CAST: variants seen among roughly 807,000 people sequenced by gnomAD.
CAST encodes the protein MIR583 host.
In CAST, 76 loss-of-function variants were observed where a neutral mutation model predicts 119.6. The observed-to-expected ratio is 0.64, with a 90% CI of 0.53 to 0.77. The LOEUF (loss-of-function observed/expected upper bound fraction) is 0.77. Ranked by LOEUF, CAST falls within the 30% of genes least tolerant of loss-of-function variation. The pLI is 0.00. For synonymous variants in CAST, 319 were observed against 331.6 expected, an observed-to-expected ratio of 0.96 and a Z score of 0.41; for missense variants, 953 against 946.5, an observed-to-expected ratio of 1.01 and a Z score of -0.09.
At chr5:96,180,281 T>G in the CAST span, among the ~76,000 whole-genome samples, 1 of 152,248 alleles carries the variant, frequency 6.6e-6, no homozygotes, top group South Asian at 2.1e-4. Context: ...ATTTTAATTT[T>G]GTTATTTATG....
At chr5:96,345,660 G>C in the CAST span, among the ~76,000 whole-genome samples, 1 of 152,182 alleles carries the variant, frequency 6.6e-6, no homozygotes. Flanking sequence ...AGCCAGAGCT[G>C]CTCTCCCATC....
chr5:96,078,701 TA>T, the CAST span, among the ~76,000 whole-genome samples: 2 of 152,326 alleles, frequency 1.3e-5, no homozygotes, highest in East Asian at 3.9e-4. Flanking sequence ...AATGTCAAGT[TA>T]AATCAATCAC....
the CAST span, among the ~76,000 whole-genome samples, chr5:96,109,347 G>T: frequency 6.6e-6 from 1 of 152,104 alleles, no homozygotes; most frequent in Non-Finnish European, 1.5e-5. Context: ...TTATAATAAA[G>T]AATAAATGTA....
intron 1 of CAST, chr5:96,630,966 G>C (rs1381068120): frequency 2.1e-5 from 3 of 140,428 alleles, no homozygotes; most frequent in Non-Finnish European, 4.8e-5. Context: ...ATCTCTTACA[G>C]AGTCTCCACC....
At chr5:96,456,702 C>G in the CAST span, among the ~76,000 whole-genome samples, 1 of 152,208 alleles carries the variant, frequency 6.6e-6, no homozygotes, top group Non-Finnish European at 1.5e-5. Context: ...GCTTCTGTCT[C>G]ATGAGGGATC....
chr5:96,166,246 G>A, the CAST span, among the ~76,000 whole-genome samples: 4 of 152,094 alleles, frequency 2.6e-5, no homozygotes, highest in African/African-American at 7.2e-5. Flanking sequence ...TTTTAAGTAG[G>A]TAGTACCTTT....
At chr5:96,186,179 G>A in the CAST span, among the ~76,000 whole-genome samples, 4 of 152,152 alleles carry the variant, frequency 2.6e-5, no homozygotes, top group Non-Finnish European at 4.4e-5. Flanking sequence ...AGGAATGTTA[G>A]TGATTTTTGC....
At chr5:96,712,405 C>T (rs1245815219) in intron 3 of CAST, among the ~76,000 whole-genome samples, 1 of 152,134 alleles carries the variant, frequency 6.6e-6, no homozygotes, top group Non-Finnish European at 1.5e-5. Context: ...AATCACGGGC[C>T]ACTGCAGCCT....
chr5:96,122,284 T>G, the CAST span, among the ~76,000 whole-genome samples: 3 of 152,200 alleles, frequency 2.0e-5, no homozygotes, highest in Non-Finnish European at 4.4e-5. Context: ...AAAATTTTGC[T>G]GTACACTTGA....
the CAST span, among the ~76,000 whole-genome samples, chr5:96,430,105 T>C: frequency 6.6e-6 from 1 of 152,208 alleles, no homozygotes; most frequent in East Asian, 1.9e-4. Flanking sequence ...CTATTAGTGA[T>C]CGTTTGATTT....
At chr5:96,564,993 T>A (rs1250039386) in intron 1 of CAST, among the ~76,000 whole-genome samples, 1 of 152,148 alleles carries the variant, frequency 6.6e-6, no homozygotes, top group Non-Finnish European at 1.5e-5. Flanking sequence ...AGCTATGCCC[T>A]TAGTTTACTT....
intron 1 of CAST, among the ~76,000 whole-genome samples, chr5:96,616,724 C>G (rs535905237): frequency 7.2e-6 from 1 of 139,580 alleles, no homozygotes; most frequent in African/African-American, 2.9e-5. Flanking sequence ...ACCAAGCGCT[C>G]GCTCGCTCTC....
chr5:96,661,257 TAAAA>T (rs59810319), upstream of CAST, among the ~76,000 whole-genome samples: 15 of 67,954 alleles, frequency 2.2e-4, no homozygotes, highest in South Asian at 8.6e-3. Flanking sequence ...TCTCTACCAT[TAAAA>T]AAAAAAAAAA....
the CAST span, among the ~76,000 whole-genome samples, chr5:96,191,006 T>A: frequency 3.9e-5 from 6 of 152,226 alleles, no homozygotes; most frequent in Admixed American, 6.5e-5. Flanking sequence ...CTGTATTAAT[T>A]CGCTTAGGAT....
At chr5:96,212,696 A>G in the CAST span, among the ~76,000 whole-genome samples, 1 of 152,146 alleles carries the variant, frequency 6.6e-6, no homozygotes, top group Non-Finnish European at 1.5e-5. Context: ...TTACAACTGT[A>G]ATTGTAGACT....
At chr5:96,009,994 T>A in the CAST span, among the ~76,000 whole-genome samples, 1 of 152,210 alleles carries the variant, frequency 6.6e-6, no homozygotes, top group Non-Finnish European at 1.5e-5. Flanking sequence ...AGGGTCTAGT[T>A]CCATTCTTTT....
At chr5:96,616,753 T>TATACAC (rs1167637550) in intron 1 of CAST, among the ~76,000 whole-genome samples, 194 of 130,828 alleles carry the variant, frequency 1.5e-3, no homozygotes, top group African/African-American at 5.0e-3. Flanking sequence ...TCTATATATA[T>TATACAC]ACACACACAC....
chr5:96,401,186 C>T, the CAST span, among the ~76,000 whole-genome samples: 10 of 149,288 alleles, frequency 6.7e-5, no homozygotes, highest in South Asian at 1.5e-3. Flanking sequence ...CATAGCTTAA[C>T]GCATTGTGGG....
the CAST span, among the ~76,000 whole-genome samples, chr5:96,189,781 T>C: frequency 6.6e-6 from 1 of 152,206 alleles, no homozygotes; most frequent in Non-Finnish European, 1.5e-5. Context: ...AGCTAGTTTT[T>C]ATTGTTCTCT....
Sources: allele counts gnomAD v4.1 joint callset (sites outside exome capture counted in the v4.1 genomes callset), GRCh38; gene constraint gnomAD v4.1.1; transcripts MANE v1.5; gene names NCBI Gene and HGNC (gene_info 2026-07-23, HGNC 2026-07-21).